EXPH5: variants seen among roughly 807,000 people sequenced by gnomAD.
EXPH5 encodes the protein exophilin-5.
A neutral mutation model predicts 41.1 loss-of-function variants in EXPH5; 42 were observed. The observed-to-expected ratio is 1.02, with a 90% CI of 0.80 to 1.32. The LOEUF (loss-of-function observed/expected upper bound fraction) is 1.32. EXPH5 is among the 40% of genes most tolerant of loss of function. The pLI, the probability that EXPH5 is intolerant of heterozygous loss-of-function variation, is 0.00. For synonymous variants in EXPH5, 798 were observed against 833.5 expected (o/e 0.96, Z 0.73); for missense variants, 2,298 against 2,314.5 (o/e 0.99, Z 0.15).
intron 3 of EXPH5, among the ~76,000 whole-genome samples, chr11:108,536,470 C>T (rs914955159): frequency 2.0e-5 from 3 of 152,124 alleles, no homozygotes; most frequent in African/African-American, 7.2e-5. Context: ...CACCATGTTG[C>T]TCAAGCTGGT....
At chr11:108,593,331 C>T (rs1299128769) in intron 1 of EXPH5, 87 bp downstream of exon 1, 4 of 1,204,834 alleles carry the variant, frequency 3.3e-6, no homozygotes, top group Non-Finnish European at 3.6e-6. Context: ...CGGGCAGGTG[C>T]CCCGCGCGAG....
chr11:108,513,202 A>T lies in EXPH5; in HGVS notation c.2305T>A (p.Ser769Thr), dbSNP rs780640842. Residue 769 changes from serine (S) to threonine (T), a missense_variant, in exon 6 of 6, where the codon TCA becomes ACA. Transcript: ENST00000265843. ...TCTTTCCTGGAAAAGACTCTGGGTG[A>T]CTTTTTTGAACTTATTATGGTAGAT... ...NASTIISSKK[S>T]PRVFSRKDTS... is the part of the protein sequence containing the mutation. The T allele has an allele frequency of 1.2e-6, 2 of 1,613,924 alleles. No individual in the cohort carries two copies. The highest frequency in any genetic ancestry group is 8.5e-7 in the Non-Finnish European group (1 of 1,180,004).
chr11:108,525,077 C>G (rs1475117152), intron 4 of EXPH5, among the ~76,000 whole-genome samples: 1 of 152,154 alleles, frequency 6.6e-6, no homozygotes, highest in Non-Finnish European at 1.5e-5. Flanking sequence ...AGAGGTTTTC[C>G]CTTTAGCTTG....
At chr11:108,567,454 A>G (rs761728231) in intron 1 of EXPH5, among the ~76,000 whole-genome samples, 6 of 152,074 alleles carry the variant, frequency 3.9e-5, no homozygotes, top group African/African-American at 1.4e-4. Flanking sequence ...TTTAGCTCCA[A>G]TCCATCTTTC....
At chr11:108,600,838 C>T in the EXPH5 span, among the ~76,000 whole-genome samples, 4 of 152,170 alleles carry the variant, frequency 2.6e-5, no homozygotes, top group Admixed American at 6.5e-5. Flanking sequence ...TTTGTTGTTT[C>T]ACATGGTCAG....
At chr11:108,543,954 C>T (rs936178587) in intron 1 of EXPH5, among the ~76,000 whole-genome samples, 1 of 152,176 alleles carries the variant, frequency 6.6e-6, no homozygotes, top group South Asian at 2.1e-4. Flanking sequence ...CTGCCTCTAA[C>T]TTATGAATGC....
At chr11:108,529,240 A>G (rs953016687) in intron 3 of EXPH5, among the ~76,000 whole-genome samples, 8 of 152,194 alleles carry the variant, frequency 5.3e-5, no homozygotes, top group African/African-American at 1.4e-4. Context: ...TTGGAAGTGA[A>G]CAAGTATTCT....
intron 1 of EXPH5, among the ~76,000 whole-genome samples, chr11:108,548,057 C>T (rs961451771): frequency 4.9e-5 from 7 of 143,878 alleles, no homozygotes; most frequent in African/African-American, 1.6e-4. Context: ...TGCAGTGAGC[C>T]GAGATTGCAC....
chr11:108,580,150 C>T (rs536649782), intron 1 of EXPH5, among the ~76,000 whole-genome samples: 19 of 152,240 alleles, frequency 1.2e-4, no homozygotes, highest in Non-Finnish European at 2.5e-4. Flanking sequence ...GCAAACTACT[C>T]ATCCAAAAGG....
At chr11:108,599,006 C>G in the EXPH5 span, among the ~76,000 whole-genome samples, 27 of 140,792 alleles carry the variant, frequency 1.9e-4, no homozygotes, top group South Asian at 1.2e-3. Flanking sequence ...AAGTGTGTAG[C>G]ATATGGTAAG....
chr11:108,593,532 G>C lies in EXPH5; in HGVS notation c.5C>G (p.Thr2Arg), dbSNP rs1199624533. 2 of 1,613,984 alleles carry C rather than the reference G, an allele frequency of 1.2e-6. No individual in the cohort carries two copies. The highest frequency in any genetic ancestry group is 1.7e-6 in the Non-Finnish European group (2 of 1,180,004). M[T>R]KVPPAFDFSF... is the part of the protein sequence containing the mutation. Reference sequence around the variant, plus strand: ...GAAATCAAACGCCGGAGGAACTTTCGTCATTTTCTTTACTGTGTGTGAGTT... The same window carrying C: ...GAAATCAAACGCCGGAGGAACTTTCCTCATTTTCTTTACTGTGTGTGAGTT... Residue 2 changes from threonine to arginine, a missense_variant, in exon 1 of 6, where the codon ACG becomes AGG. By Grantham distance (71) the Thr-to-Arg change is moderately conservative. Transcript: ENST00000265843.
At chr11:108,525,111 A>G (rs1041634711) in intron 4 of EXPH5, among the ~76,000 whole-genome samples, 7 of 152,236 alleles carry the variant, frequency 4.6e-5, no homozygotes, top group East Asian at 3.9e-4. Flanking sequence ...CTTGCTTGCC[A>G]CCATGTAAGA....
At chr11:108,607,133 C>A in the EXPH5 span, among the ~76,000 whole-genome samples, 1 of 152,170 alleles carries the variant, frequency 6.6e-6, no homozygotes, top group South Asian at 2.1e-4. Context: ...ATATCACTAG[C>A]TAACATATGT....
At chr11:108,551,796 C>A (rs1159608425) in intron 1 of EXPH5, among the ~76,000 whole-genome samples, 1 of 152,150 alleles carries the variant, frequency 6.6e-6, no homozygotes, top group Non-Finnish European at 1.5e-5. Flanking sequence ...CTTTGATTTG[C>A]AGATCAAAGC....
chr11:108,600,650 GA>G, the EXPH5 span, among the ~76,000 whole-genome samples: 1 of 152,138 alleles, frequency 6.6e-6, no homozygotes, highest in Non-Finnish European at 1.5e-5. Flanking sequence ...AAGGCCTTCA[GA>G]ACTTAACCTC....
chr11:108,579,876 C>A (rs963304370), intron 1 of EXPH5, among the ~76,000 whole-genome samples: 1 of 152,098 alleles, frequency 6.6e-6, no homozygotes, highest in African/African-American at 2.4e-5. Context: ...CTGGCAGCAA[C>A]AGCAGTGGTA....
At position 108,540,603 on chromosome 11, in the gene EXPH5, G is replaced by A. The variant is rs374228876; in HGVS notation, c.280+1049C>T. ...AAAAATGCAGTCAATGTGACTCCGC[G>A]TCAGTAAAAAGATATTTTATTTTAG... On this transcript the variant is annotated intron_variant, in intron 2 of 5. Coordinates refer to ENST00000265843, the MANE Select transcript of EXPH5 (RefSeq NM_015065.3). Among the ~76,000 whole-genome samples, 9 of 152,134 alleles carry A rather than the reference G, an allele frequency of 5.9e-5. No homozygotes were observed. The South Asian group carries it at 6.2e-4, about 11-fold the overall frequency.
intron 1 of EXPH5, among the ~76,000 whole-genome samples, chr11:108,569,537 C>T (rs986769800): frequency 6.6e-6 from 1 of 152,118 alleles, no homozygotes; most frequent in Non-Finnish European, 1.5e-5. Flanking sequence ...ACAGGGGTTT[C>T]ACCATGTTGG....
chr11:108,571,146 GC>G (rs1482646546), intron 1 of EXPH5, among the ~76,000 whole-genome samples: 1 of 152,180 alleles, frequency 6.6e-6, no homozygotes, highest in Non-Finnish European at 1.5e-5. Flanking sequence ...GCCTGGTGTG[GC>G]TTTGAAGGTG....
Sources: gnomAD v4.1 joint callset for allele counts (sites outside exome capture counted in the v4.1 genomes callset) on GRCh38, gnomAD v4.1.1 for gene constraint, MANE v1.5 for transcripts, NCBI Gene and HGNC (gene_info 2026-07-23, HGNC 2026-07-21) for gene names.